Variants in AIMP2 observed in about 807,000 individuals in gnomAD.
AIMP2 encodes the protein aminoacyl tRNA synthetase complex interacting multifunctional protein 2.
A neutral mutation model predicts 23.4 loss-of-function variants in AIMP2; 20 were observed. The observed-to-expected ratio is 0.85, with a 90% CI of 0.60 to 1.24. AIMP2 has a LOEUF of 1.24. AIMP2 is among the 50% of genes most tolerant of loss of function. AIMP2 has a pLI of 0.00. For missense variants in AIMP2, 515 were observed against 414.5 expected (o/e 1.24, Z -2.10); for synonymous variants, 210 against 170.4 (o/e 1.23, Z -1.81).
chr7:6,015,231 A>G lies in AIMP2; in HGVS notation c.221A>G (p.Asp74Gly). ...CTGTATGAGTTGAAAGCTGCAGTTG[A>G]TGGCCTCTCCAAGATGATTCAAACA... is the stretch of plus-strand genomic sequence containing the variant. ...KRLYELKAAV[D>G]GLSKMIQTPD... The change falls in exon 2 of 4, where the codon GAT (aspartate) becomes GGT (glycine). Residue 74 changes from aspartate (D) to glycine (G), a missense_variant. Asp to Gly is a moderately conservative substitution (Grantham distance 94, BLOSUM62 -1). Transcript: ENST00000223029. The G allele has an allele frequency of 6.2e-7, 1 of 1,614,200 alleles. No individual in the cohort carries two copies. The highest frequency in any genetic ancestry group is 8.5e-7 in the Non-Finnish European group (1 of 1,180,038).
At chr7:6,012,460 A>G (rs777592387) in intron 1 of AIMP2, among the ~76,000 whole-genome samples, 11 of 152,146 alleles carry the variant, frequency 7.2e-5, no homozygotes, top group Non-Finnish European at 1.6e-4. Context: ...TTTTGTTATT[A>G]CTCAGATCAC....
At chr7:6,012,755 C>T in intron 1 of AIMP2, 1 of 835,410 alleles carries the variant, frequency 1.2e-6, no homozygotes, top group Non-Finnish European at 1.6e-6. Context: ...AATGGAGTTT[C>T]ATCATGTTGT....
Position 6,017,980 on chromosome 7 carries a change from G to A in AIMP2, c.509G>A (p.Gly170Glu). The part of the protein sequence containing the change: ...SVPENLLKCF[G>E]EQNKKQPRQD... ...CCTGAAAACCTTCTCAAGTGCTTTG[G>A]AGAACAGAATAAAAAACAGCCCCGC... is the stretch of plus-strand genomic sequence containing the variant. The change falls in exon 3 of 4, where the codon GGA (glycine) becomes GAA (glutamate). Residue 170 changes from glycine to glutamate, a missense_variant. Transcript: ENST00000223029. The A allele has an allele frequency of 6.2e-7, 1 of 1,613,956 alleles. No individual in the cohort carries two copies. Among genetic ancestry groups the A allele is most frequent in the Middle Eastern group, 1.6e-4 (1 of 6,062 alleles).
chr7:6,009,974 A>AAAAAAAAACATATAT, intron 1 of AIMP2, among the ~76,000 whole-genome samples: 1 of 26,662 alleles, frequency 3.8e-5, no homozygotes, highest in African/African-American at 1.4e-4. Flanking sequence ...AAAAAAAAAA[A>AAAAAAAAACATATAT]ATATATATAT....
In AIMP2 at chr7:6,023,314, C is replaced by G. The variant is rs142387037; in HGVS notation, c.586C>G (p.Gln196Glu). 6 of 1,599,604 alleles carry G rather than the reference C, an allele frequency of 3.8e-6. No homozygotes were observed. Among genetic ancestry groups the G allele is most frequent in the Non-Finnish European group, 5.1e-6 (6 of 1,174,150 alleles). ...TTTTTTCTTTTCAGTGCCGAAGACG[C>G]AGATGAAATTCAGCATCCAGACGAT... is the stretch of plus-strand genomic sequence containing the variant. ...TLIWKNVPKT[Q>E]MKFSIQTMCP... Residue 196 changes from glutamine (Q) to glutamate (E), a missense_variant, in exon 4 of 4, where the codon CAG (glutamine) becomes GAG (glutamate). Gln to Glu is a conservative substitution (Grantham distance 29, BLOSUM62 2). Coordinates refer to ENST00000223029, the MANE Select transcript of AIMP2 (RefSeq NM_006303.4).
At chr7:6,018,107 C>A in intron 3 of AIMP2, 62 bp downstream of exon 3, 2 of 1,289,064 alleles carry the variant, frequency 1.6e-6, no homozygotes, top group Non-Finnish European at 2.2e-6. Flanking sequence ...ATGAGTTTCA[C>A]CTGCATGAGT....
intron 3 of AIMP2, among the ~76,000 whole-genome samples, chr7:6,020,598 A>C (rs559887452): frequency 2.0e-4 from 31 of 152,290 alleles, no homozygotes; most frequent in Non-Finnish European, 3.7e-4. Context: ...TGGTTTGATA[A>C]TTTTAGGAAG....
At chr7:6,019,324 C>CA (rs533394724) in intron 3 of AIMP2, among the ~76,000 whole-genome samples, 77 of 141,656 alleles carry the variant, frequency 5.4e-4, no homozygotes, top group East Asian at 3.3e-3. Flanking sequence ...CTAAAAAATA[C>CA]AAAAAAAAAA....
Position 6,009,974 on chromosome 7 carries a change from A to AAAATATATATATATAT in AIMP2, c.135+477_135+478insAATATATATATATATA. 3.2e-3 allele frequency among the ~76,000 whole-genome samples: 85 copies of AAAATATATATATATAT among 26,602 alleles called. 1 individual carries two copies. Among genetic ancestry groups the AAAATATATATATATAT allele is most frequent in the Non-Finnish European group, 4.7e-3 (68 of 14,590 alleles). 17.5% of individuals were successfully genotyped at this position (26,602 alleles called of 152,430 possible). On this transcript the variant is annotated intron_variant, in intron 1 of 3. Coordinates refer to ENST00000223029, the MANE Select transcript of AIMP2 (RefSeq NM_006303.4). ...CAAAAAAAAAAAAAAAAAAAAAAAA[A>AAAATATATATATATAT]ATATATATATATATATATGTATGTA...
chr7:6,014,250 C>CTTTTTTTTTTTTTTTT (rs57008315), intron 1 of AIMP2, among the ~76,000 whole-genome samples: 1 of 67,540 alleles, frequency 1.5e-5, no homozygotes, highest in Non-Finnish European at 2.6e-5. Flanking sequence ...TTTGTTGAAG[C>CTTTTTTTTTTTTTTTT]TTTTTTTTTT....
In AIMP2 at chr7:6,023,372, G is replaced by A. The variant is rs150887968; in HGVS notation, c.644G>A (p.Arg215His). 15 of 1,614,000 alleles carry A rather than the reference G, an allele frequency of 9.3e-6. No individual in the cohort carries two copies. The Admixed American group carries it at 1.5e-4, about 16-fold the overall frequency. ...ATCGAAGGCGAAGGGAACATTGCAC[G>A]TTTCTTGTTCTCTCTGTTTGGCCAG... The part of the protein sequence containing the change: ...CPIEGEGNIA[R>H]FLFSLFGQKH... Residue 215 changes from arginine (R) to histidine (H), a missense_variant, in exon 4 of 4, where the codon CGT becomes CAT. Transcript: ENST00000223029.
At chr7:6,011,405 A>G (rs1377241384) in intron 1 of AIMP2, among the ~76,000 whole-genome samples, 2 of 152,104 alleles carry the variant, frequency 1.3e-5, no homozygotes, top group Non-Finnish European at 2.9e-5. Context: ...GGACCTTTTC[A>G]TATTCACTGG....
chr7:6,018,090 GA>G, intron 3 of AIMP2, 45 bp downstream of exon 3: 3 of 1,476,596 alleles, frequency 2.0e-6, no homozygotes, highest in Non-Finnish European at 2.8e-6. Flanking sequence ...GCTGCCCCTT[GA>G]ACACCATGAG....
chr7:6,015,228 T>C lies in AIMP2; in HGVS notation c.218T>C (p.Val73Ala), dbSNP rs150139402. The change falls in exon 2 of 4, where the codon GTT becomes GCT. Residue 73 changes from valine to alanine, a missense_variant. Val to Ala is a moderately conservative substitution (Grantham distance 64). Coordinates refer to ENST00000223029, the MANE Select transcript of AIMP2 (RefSeq NM_006303.4). ...CGTCTGTATGAGTTGAAAGCTGCAG[T>C]TGATGGCCTCTCCAAGATGATTCAA... The part of the protein sequence containing the change: ...LKRLYELKAA[V>A]DGLSKMIQTP... The C allele has an allele frequency of 1.7e-5, 28 of 1,614,040 alleles. No homozygotes were observed. The highest frequency in any genetic ancestry group is 6.7e-5 in the African/African-American group (5 of 74,920).
intron 1 of AIMP2, among the ~76,000 whole-genome samples, chr7:6,010,779 TA>T (rs1786621128): frequency 6.6e-6 from 1 of 150,686 alleles, no homozygotes; most frequent in African/African-American, 2.5e-5. Flanking sequence ...TAGGTAAGCA[TA>T]CAGCGTATAG....
At chr7:6,015,496 G>T (rs987895995) in intron 2 of AIMP2, 144 bp downstream of exon 2, 2 of 832,240 alleles carry the variant, frequency 2.4e-6, no homozygotes, top group Non-Finnish European at 3.8e-6. Context: ...AAGCCAAGGC[G>T]GGCAGATCAT....
intron 1 of AIMP2, among the ~76,000 whole-genome samples, chr7:6,013,650 G>A (rs1786839758): frequency 6.6e-6 from 1 of 152,114 alleles, no homozygotes; most frequent in South Asian, 2.1e-4. Flanking sequence ...AATAGGCTAG[G>A]TGAAGAATGG....
rs915475094 is a variant in AIMP2 at position 6,009,293 on chromosome 7, C to G, written c.-71C>G. The G allele has an allele frequency of 1.7e-5, 28 of 1,609,248 alleles. 1 individual carries two copies. The highest frequency in any genetic ancestry group is 8.9e-5 in the East Asian group (4 of 44,888). On this transcript the variant is annotated 5_prime_UTR_variant, in exon 1 of 4. Coordinates refer to ENST00000223029, the MANE Select transcript of AIMP2 (RefSeq NM_006303.4). The stretch of plus-strand genomic sequence containing the variant: ...GGTCAGAAGGGAGGTGGCCGGTCTC[C>G]GTCGTGACCTCTGACGGTTTCTGAG...
rs79741764 is a variant in AIMP2 at position 6,010,788 on chromosome 7, T to C, written c.135+1290T>C. Among the ~76,000 whole-genome samples, 12 of 147,586 alleles carry C rather than the reference T, an allele frequency of 8.1e-5. No individual in the cohort carries two copies. The East Asian group carries it at 2.4e-3, about 30-fold the overall frequency. On this transcript the variant is annotated intron_variant, in intron 1 of 3. Coordinates refer to ENST00000223029, the MANE Select transcript of AIMP2 (RefSeq NM_006303.4). Reference sequence around the variant, plus strand: ...TTCATATAGGTAAGCATACAGCGTATAGTCTGATGTGTCTGGGTGTTTTTT... The same window carrying C: ...TTCATATAGGTAAGCATACAGCGTACAGTCTGATGTGTCTGGGTGTTTTTT...
Sources: gnomAD v4.1 joint callset for allele counts (sites outside exome capture counted in the v4.1 genomes callset) on GRCh38, gnomAD v4.1.1 for gene constraint, MANE v1.5 for transcripts, NCBI Gene and HGNC (gene_info 2026-07-23, HGNC 2026-07-21) for gene names.